The following ADAMTSL1 variants were observed in gnomAD, a reference collection of about 807,000 sequenced individuals.
The protein encoded by ADAMTSL1 is ADAMTS like 1.
ADAMTSL1 carries 126 observed loss-of-function variants against 201.8 expected under a neutral mutation model. That is an observed-to-expected ratio of 0.62 (90% confidence interval 0.54 to 0.72). The LOEUF (loss-of-function observed/expected upper bound fraction) is 0.72. ADAMTSL1 is among the 30% of genes least tolerant of loss of function. The probability of loss-of-function intolerance (pLI) is 0.00; values close to 1 mark genes in which losing one functional copy is unlikely to be tolerated. For missense variants in ADAMTSL1, 2,679 were observed against 2,277.8 expected, an observed-to-expected ratio of 1.18 and a Z score of -3.59; for synonymous variants, 1,121 against 903.4, an observed-to-expected ratio of 1.24 and a Z score of -4.32.
chr9:18,038,153 G>A (rs552293537), intron 1 of ADAMTSL1, among the ~76,000 whole-genome samples: 8 of 152,250 alleles, frequency 5.3e-5, no homozygotes, highest in South Asian at 2.1e-4. Flanking sequence ...TCACTGAAGC[G>A]TCAACCACAC....
At chr9:18,200,263 A>G (rs560909859) in intron 2 of ADAMTSL1, among the ~76,000 whole-genome samples, 1 of 151,858 alleles carries the variant, frequency 6.6e-6, no homozygotes. Flanking sequence ...GCGAGACACT[A>G]TCTCTATTAA....
chr9:17,990,387 A>C (rs966272829), intron 1 of ADAMTSL1, among the ~76,000 whole-genome samples: 2 of 151,862 alleles, frequency 1.3e-5, no homozygotes, highest in African/African-American at 4.8e-5. Context: ...GACTCCTTTC[A>C]TTTTGTTTTT....
At chr9:18,755,766 T>C (rs1261179426) in intron 16 of ADAMTSL1, among the ~76,000 whole-genome samples, 3 of 152,146 alleles carry the variant, frequency 2.0e-5, no homozygotes, top group Non-Finnish European at 2.9e-5. Context: ...AAAGCTTTTC[T>C]ATTTCCTTCT....
At chr9:18,199,101 G>T (rs894378390) in intron 2 of ADAMTSL1, among the ~76,000 whole-genome samples, 69 of 137,042 alleles carry the variant, frequency 5.0e-4, no homozygotes, top group Non-Finnish European at 2.2e-4. Flanking sequence ...ACACTCTGGG[G>T]ACTGTTGTGG....
At chr9:18,037,910 G>T (rs1024042420) in intron 1 of ADAMTSL1, among the ~76,000 whole-genome samples, 2 of 151,434 alleles carry the variant, frequency 1.3e-5, no homozygotes, top group Non-Finnish European at 2.9e-5. Context: ...TCCCCAGCAG[G>T]CTTCAAAATC....
At chr9:18,354,405 G>A (rs1004489142) in intron 2 of ADAMTSL1, among the ~76,000 whole-genome samples, 1 of 152,128 alleles carries the variant, frequency 6.6e-6, no homozygotes, top group African/African-American at 2.4e-5. Context: ...TATTCCATAA[G>A]TAGAGTGATA....
chr9:18,295,136 T>A (rs962635791), intron 2 of ADAMTSL1, among the ~76,000 whole-genome samples: 4 of 152,100 alleles, frequency 2.6e-5, no homozygotes, highest in African/African-American at 4.8e-5. Flanking sequence ...CTATATAACA[T>A]GGTCACTATA....
chr9:18,848,845 A>G (rs1826299597), intron 23 of ADAMTSL1, among the ~76,000 whole-genome samples: 1 of 152,276 alleles, frequency 6.6e-6, no homozygotes, highest in African/African-American at 2.4e-5. Context: ...TGTGTTCCAG[A>G]AAACTTTATT....
intron 23 of ADAMTSL1, among the ~76,000 whole-genome samples, chr9:18,881,591 T>A (rs1344161084): frequency 6.6e-6 from 1 of 152,166 alleles, no homozygotes; most frequent in Non-Finnish European, 1.5e-5. Flanking sequence ...TGATCACACA[T>A]AACCGTAACA....
chr9:18,121,991 A>G (rs927652279), intron 1 of ADAMTSL1, among the ~76,000 whole-genome samples: 9 of 152,198 alleles, frequency 5.9e-5, no homozygotes, highest in Non-Finnish European at 1.3e-4. Context: ...AAAAGGCCAT[A>G]TATCAGATTA....
At chr9:18,204,299 T>C (rs1168235267) in intron 2 of ADAMTSL1, among the ~76,000 whole-genome samples, 1 of 151,932 alleles carries the variant, frequency 6.6e-6, no homozygotes, top group Non-Finnish European at 1.5e-5. Context: ...GAATTTCTCA[T>C]GAAATCTGAT....
intron 2 of ADAMTSL1, among the ~76,000 whole-genome samples, chr9:18,173,193 T>C (rs761882442): frequency 2.0e-5 from 3 of 152,160 alleles, no homozygotes; most frequent in Non-Finnish European, 2.9e-5. Flanking sequence ...CTTGGGATAA[T>C]ATCTGGCAAA....
At chr9:18,035,308 T>C (rs990477223) in intron 1 of ADAMTSL1, among the ~76,000 whole-genome samples, 4 of 152,118 alleles carry the variant, frequency 2.6e-5, no homozygotes, top group Non-Finnish European at 5.9e-5. Context: ...CCTGAATTCA[T>C]CCAGGAGAAG....
intron 19 of ADAMTSL1, among the ~76,000 whole-genome samples, chr9:18,780,662 G>A (rs1244552902): frequency 1.3e-5 from 2 of 152,056 alleles, no homozygotes; most frequent in Admixed American, 1.3e-4. Flanking sequence ...CTTTTAGAAT[G>A]TTTATATATT....
chr9:18,481,006 A>G (rs4961650), intron 1 of ADAMTSL1, among the ~76,000 whole-genome samples: 63,325 of 151,684 alleles, frequency 0.42, 13,510 homozygotes, highest in South Asian at 0.55. Flanking sequence ...ATCCAAGGGG[A>G]AGGCGAATAT....
intron 1 of ADAMTSL1, among the ~76,000 whole-genome samples, chr9:17,968,160 A>G (rs903481003): frequency 1.3e-5 from 2 of 152,086 alleles, no homozygotes; most frequent in Non-Finnish European, 2.9e-5. Context: ...CTTAGTGTGT[A>G]CTGCTACCAA....
At chr9:18,645,693 A>C (rs907061941) in intron 7 of ADAMTSL1, among the ~76,000 whole-genome samples, 1 of 149,764 alleles carries the variant, frequency 6.7e-6, no homozygotes, top group Non-Finnish European at 1.5e-5. Flanking sequence ...AAGATCAGAT[A>C]GTTGTAGATA....
intron 2 of ADAMTSL1, among the ~76,000 whole-genome samples, chr9:18,365,238 A>T (rs997885918): frequency 2.0e-5 from 3 of 152,202 alleles, no homozygotes; most frequent in African/African-American, 7.2e-5. Context: ...AGCCCATACA[A>T]ATTAGTGAAT....
intron 1 of ADAMTSL1, among the ~76,000 whole-genome samples, chr9:18,017,163 C>A (rs1820293409): frequency 6.6e-6 from 1 of 151,968 alleles, no homozygotes; most frequent in Admixed American, 6.6e-5. Flanking sequence ...TTATAGTTTA[C>A]AAAGGATATT....
Sources: gnomAD v4.1 joint callset for allele counts (sites outside exome capture counted in the v4.1 genomes callset) on GRCh38, gnomAD v4.1.1 for gene constraint, MANE v1.5 for transcripts, NCBI Gene and HGNC (gene_info 2026-07-23, HGNC 2026-07-21) for gene names.